The following DMD variants were observed in gnomAD, a reference collection of about 807,000 sequenced individuals.
DMD encodes the protein mutant dystrophin.
Under a neutral mutation model 330.1 loss-of-function variants are expected in DMD, and 63 were observed. The ratio of observed to expected loss-of-function variants is 0.19; its 90% CI spans 0.16 to 0.24. The LOEUF (loss-of-function observed/expected upper bound fraction) is 0.24. Among genes scored for constraint, DMD ranks in the 10% least tolerant of loss-of-function variants. The pLI is 1.00. For missense variants in DMD, 3,344 were observed against 2,684.1 expected, an observed-to-expected ratio of 1.25 and a Z score of -5.43; for synonymous variants, 1,223 against 959.8, an observed-to-expected ratio of 1.27 and a Z score of -5.07.
At position 32,467,377 on chromosome X, in the gene DMD, T is replaced by G. The variant is rs187443598; in HGVS notation, c.3162+1121A>C. On this transcript the variant is annotated intron_variant, in intron 23 of 78. Coordinates refer to ENST00000357033, the MANE Select transcript of DMD (RefSeq NM_004006.3). ...GACCTTAATGCAATTGTTGGTTTAC[T>G]GTTTTTCTTTAGCTTGAGTGGTTAT... Among the ~76,000 whole-genome samples, 670 of 111,302 alleles carry G rather than the reference T, an allele frequency of 6.0e-3. 1 individual carries two copies. Among genetic ancestry groups the G allele is most frequent in the Non-Finnish European group, 9.9e-3 (523 of 53,066 alleles).
chrX:31,671,606 G>T (rs1603444091), intron 53 of DMD, among the ~76,000 whole-genome samples: 1 of 112,275 alleles, frequency 8.9e-6, no homozygotes, highest in East Asian at 2.8e-4. Context: ...ATCGGGGGAA[G>T]ACTTCTGGGC....
At chrX:32,396,257 A>G (rs1444125919) in intron 30 of DMD, among the ~76,000 whole-genome samples, 1 of 111,607 alleles carries the variant, frequency 9.0e-6, no homozygotes, top group Non-Finnish European at 1.9e-5. Context: ...TCCATTAAAT[A>G]GTTAGAAAAA....
intron 44 of DMD, among the ~76,000 whole-genome samples, chrX:32,132,738 T>C (rs1667410034): frequency 9.0e-6 from 1 of 111,165 alleles, no homozygotes; most frequent in African/African-American, 3.3e-5. Flanking sequence ...AGCTAACTTC[T>C]GTTCCTTTTC....
chrX:31,212,716 T>C (rs57667776), intron 64 of DMD, among the ~76,000 whole-genome samples: 4,793 of 111,395 alleles, frequency 0.043, 111 homozygotes, highest in East Asian at 0.13. Flanking sequence ...ACCAGAGATA[T>C]GGAGACTCAC....
At chrX:32,615,727 C>T (rs190746583) in intron 11 of DMD, among the ~76,000 whole-genome samples, 26 of 111,000 alleles carry the variant, frequency 2.3e-4, no homozygotes, top group Admixed American at 2.2e-3. Flanking sequence ...AATTTTTTGG[C>T]TGTTTTAGAT....
chrX:31,223,258 A>C (rs1475225377), intron 63 of DMD, 137 bp from the exon 64 acceptor site: 16 of 548,193 alleles, frequency 2.9e-5, no homozygotes, highest in Non-Finnish European at 4.7e-5. Context: ...GTATACGCCA[A>C]GCTTTCGGAG....
At position 31,169,580 on chromosome X, in the gene DMD, G is replaced by A; in HGVS notation, c.10416C>T (p.Ile3472=). 1 of 1,205,164 alleles carries A rather than the reference G, an allele frequency of 8.3e-7. No homozygotes were observed. The highest frequency in any genetic ancestry group is 1.1e-6 in the Non-Finnish European group (1 of 891,851). The part of the protein sequence containing the change: ...NESIDDEHLL[I]QHYCQSLNQD... ...GGTTCAAACTTTGGCAGTAATGCTGGATTAACAAATGTTCATCATCTCTGG... is the reference window on the plus strand; with the variant it reads ...GGTTCAAACTTTGGCAGTAATGCTGAATTAACAAATGTTCATCATCTCTGG... Residue 3472 remains isoleucine (I), a synonymous_variant, in exon 74 of 79, where the codon ATC becomes ATT. Transcript: ENST00000357033.
intron 20 of DMD, among the ~76,000 whole-genome samples, chrX:32,490,495 G>A (rs1290136707): frequency 9.0e-6 from 1 of 111,246 alleles, no homozygotes. Context: ...TACAGATGAC[G>A]GTTCCTTGTC....
At chrX:32,439,576 G>C (rs937267890) in intron 28 of DMD, among the ~76,000 whole-genome samples, 2 of 110,740 alleles carry the variant, frequency 1.8e-5, no homozygotes, top group Admixed American at 9.7e-5. Context: ...TTTTAAAGGT[G>C]GATGAAAAGC....
chrX:32,409,680 A>G, intron 30 of DMD, among the ~76,000 whole-genome samples: 1 of 111,996 alleles, frequency 8.9e-6, no homozygotes, highest in Admixed American at 9.5e-5. Flanking sequence ...TTGAAGTACA[A>G]ACTTGCAATA....
intron 7 of DMD, among the ~76,000 whole-genome samples, chrX:32,800,855 C>A (rs2076508520): frequency 9.0e-6 from 1 of 111,089 alleles, no homozygotes; most frequent in Admixed American, 9.7e-5. Context: ...CAGCTTCATC[C>A]ACATCCCTGC....
At chrX:33,310,541 T>A (rs1305407137) in intron 1 of DMD, among the ~76,000 whole-genome samples, 2 of 111,078 alleles carry the variant, frequency 1.8e-5, no homozygotes, top group African/African-American at 6.5e-5. Context: ...CTAAGAGAAG[T>A]TCGCTTCTTT....
intron 64 of DMD, among the ~76,000 whole-genome samples, chrX:31,221,988 C>G (rs771523069): frequency 9.1e-6 from 1 of 110,259 alleles, no homozygotes; most frequent in African/African-American, 3.3e-5. Context: ...GTCAGGAGAT[C>G]GAGACCATCC....
intron 11 of DMD, among the ~76,000 whole-genome samples, chrX:32,623,681 T>A (rs1301762865): frequency 9.1e-6 from 1 of 109,748 alleles, no homozygotes; most frequent in African/African-American, 3.3e-5. Flanking sequence ...GTGCACCACC[T>A]TCCCTGGCAA....
rs767029824 is a variant in DMD, at chrX:33,148,946, G to A, written c.31+62336C>T. On this transcript the variant is annotated intron_variant, in intron 1 of 78. Coordinates refer to ENST00000357033, the MANE Select transcript of DMD (RefSeq NM_004006.3). ...CCCTTGAATTTGGGTGGGTTCTGTG[G>A]CTGCTCTAATAGAATGCAGTAGAAT... 3.6e-5 allele frequency among the ~76,000 whole-genome samples: 4 copies of A among 110,593 alleles called. No individual in the cohort carries two copies. The South Asian group carries it at 1.6e-3, about 43-fold the overall frequency.
intron 42 of DMD, 34 bp from the exon 43 acceptor site, chrX:32,287,735 T>A (rs772515089): frequency 1.0e-6 from 1 of 998,676 alleles, no homozygotes; most frequent in Non-Finnish European, 1.4e-6. Context: ...AGTAAAAAAA[T>A]GAATTAGCTG....
intron 44 of DMD, among the ~76,000 whole-genome samples, chrX:31,975,190 C>T (rs1038243799): frequency 1.8e-5 from 2 of 111,196 alleles, no homozygotes; most frequent in African/African-American, 3.3e-5. Context: ...CATGTTTTGG[C>T]GTTAGAACTT....
At chrX:32,813,417 C>T (rs748119383) in intron 6 of DMD, among the ~76,000 whole-genome samples, 1 of 111,121 alleles carries the variant, frequency 9.0e-6, no homozygotes, top group African/African-American at 3.3e-5. Flanking sequence ...CCTAGCTCTA[C>T]CACATGTTAG....
At chrX:32,741,201 C>T (rs1480178124) in intron 7 of DMD, among the ~76,000 whole-genome samples, 1 of 111,264 alleles carries the variant, frequency 9.0e-6, no homozygotes, top group Non-Finnish European at 1.9e-5. Flanking sequence ...GATATTGCCA[C>T]TAAATGTACT....
Sources: allele counts gnomAD v4.1 joint callset (sites outside exome capture counted in the v4.1 genomes callset), GRCh38; gene constraint gnomAD v4.1.1; transcripts MANE v1.5; gene names NCBI Gene and HGNC (gene_info 2026-07-23, HGNC 2026-07-21).